Variants in PTPRE observed in about 807,000 individuals in gnomAD.
PTPRE encodes the protein receptor-type tyrosine-protein phosphatase epsilon.
In PTPRE, 51 loss-of-function variants were observed where a neutral mutation model predicts 102.0. That is an observed-to-expected ratio of 0.50 (90% CI 0.40 to 0.63). The LOEUF is 0.63. Among genes scored for constraint, PTPRE ranks in the 30% least tolerant of loss-of-function variants. PTPRE has a pLI of 0.00. For synonymous variants in PTPRE, 345 were observed against 348.2 expected, an observed-to-expected ratio of 0.99 and a Z score of 0.10; for missense variants, 752 against 915.1, an observed-to-expected ratio of 0.82 and a Z score of 2.30.
chr10:127,968,338 G>A lies in PTPRE; in HGVS notation c.-30-13936G>A, dbSNP rs183933051. ...GGGGAGGGGAAGGTGACTTTCACAA[G>A]TCCTCTTGTACAAGGGCCACCGTGT... On this transcript the variant is annotated intron_variant, in intron 1 of 20. Transcript: ENST00000254667. Among the ~76,000 whole-genome samples the A allele has an allele frequency of 2.5e-3, 385 of 152,300 alleles. 3 individuals are homozygous for A. The highest frequency in any genetic ancestry group is 8.0e-3 in the African/African-American group (333 of 41,560).
rs559123679 is a variant in PTPRE, at chr10:127,907,149, C to A, written c.-191C>A. 1.0e-3 allele frequency: 558 copies of A among 552,028 alleles called. 8 individuals carry two copies. The East Asian group carries it at 0.042, about 42-fold the overall frequency. 34.2% of individuals were successfully genotyped at this position (552,028 alleles called of 1,614,324 possible). A position where few individuals can be genotyped will look rare whatever the true frequency, so the allele number is the denominator to read the frequency against. On this transcript the variant is annotated 5_prime_UTR_variant, in exon 1 of 21. Coordinates refer to ENST00000254667, the MANE Select transcript of PTPRE (RefSeq NM_006504.6). The surrounding 1 kb of genome is among the most constrained non-coding windows in gnomAD (Gnocchi z 4.8). ...GCGGACAGCGGGCGGCAGGAGCCGG[C>A]GCGAGCGGCTTCAGGAACCCACGGC...
At chr10:128,002,191 A>C in intron 2 of PTPRE, among the ~76,000 whole-genome samples, 1 of 152,182 alleles carries the variant, frequency 6.6e-6, no homozygotes, top group Non-Finnish European at 1.5e-5. Context: ...GGAAGAGCAA[A>C]GCTGTCAGCA....
In PTPRE at chr10:127,932,474, C is replaced by T. The variant is rs143666104; in HGVS notation, c.-31+25165C>T. Among the ~76,000 whole-genome samples, 678 of 152,316 alleles carry T rather than the reference C, an allele frequency of 4.5e-3. 4 individuals carry two copies. Among genetic ancestry groups the T allele is most frequent in the African/African-American group, 0.015 (638 of 41,586 alleles). On this transcript the variant is annotated intron_variant, in intron 1 of 20. Coordinates refer to ENST00000254667, the MANE Select transcript of PTPRE (RefSeq NM_006504.6). ...GAAATGAAGACATACACAGGTGGAACGGTAAGAACAGTGGCGAAGAAGGGC... is the reference window on the plus strand; with the variant it reads ...GAAATGAAGACATACACAGGTGGAATGGTAAGAACAGTGGCGAAGAAGGGC...
intron 2 of PTPRE, among the ~76,000 whole-genome samples, chr10:128,025,675 G>A (rs1287226466): frequency 1.3e-5 from 2 of 152,102 alleles, no homozygotes; most frequent in Non-Finnish European, 2.9e-5. Context: ...AAACCCTGGG[G>A]CCTCCCTGCC....
At chr10:128,079,934 A>G (rs1394849374) in intron 20 of PTPRE, among the ~76,000 whole-genome samples, 1 of 152,194 alleles carries the variant, frequency 6.6e-6, no homozygotes, top group Admixed American at 6.5e-5. Context: ...GCCAGTTTCA[A>G]TGTCTGAGAC....
intron 1 of PTPRE, among the ~76,000 whole-genome samples, chr10:127,965,749 A>G (rs1166648281): frequency 1.3e-5 from 2 of 152,188 alleles, no homozygotes; most frequent in African/African-American, 4.8e-5. Context: ...TGAACCTCGT[A>G]TCTGCCCAGC....
At chr10:127,978,086 C>G (rs1851325616) in intron 1 of PTPRE, among the ~76,000 whole-genome samples, 1 of 152,184 alleles carries the variant, frequency 6.6e-6, no homozygotes, top group South Asian at 2.1e-4. Flanking sequence ...AATGGAGCAT[C>G]CTCTAGGACA....
intron 2 of PTPRE, among the ~76,000 whole-genome samples, chr10:127,992,251 C>T (rs900040702): frequency 6.6e-6 from 1 of 152,084 alleles, no homozygotes; most frequent in Non-Finnish European, 1.5e-5. Flanking sequence ...CTGTGAGGCT[C>T]AGGTACCGAA....
At chr10:128,050,677 G>T (rs1848502984) in intron 6 of PTPRE, among the ~76,000 whole-genome samples, 1 of 152,236 alleles carries the variant, frequency 6.6e-6, no homozygotes, top group Non-Finnish European at 1.5e-5. Flanking sequence ...GGCTATGCCT[G>T]TTGCGTGCTG....
intron 1 of PTPRE, among the ~76,000 whole-genome samples, chr10:127,927,139 TAGGTACACTGGAGAGTGACAATGGCAGGC>T (rs1225054196): frequency 1.3e-5 from 2 of 151,906 alleles, no homozygotes; most frequent in South Asian, 2.1e-4. Flanking sequence ...CAATGGCAGG[TAGGTACACTGGAGAGTGACAATGGCAGGC>T]AGGTACACTG....
intron 2 of PTPRE, among the ~76,000 whole-genome samples, chr10:128,009,288 T>G (rs1844776780): frequency 6.6e-6 from 1 of 152,252 alleles, no homozygotes; most frequent in Admixed American, 6.5e-5. Context: ...TTGGTTGCCT[T>G]TGAGCCAACA....
chr10:127,992,425 G>A (rs1852769377), intron 2 of PTPRE, among the ~76,000 whole-genome samples: 1 of 152,200 alleles, frequency 6.6e-6, no homozygotes, highest in Non-Finnish European at 1.5e-5. Context: ...GAAATTCATA[G>A]CACACTGAAA....
At chr10:128,017,822 C>T (rs2135666334) in intron 2 of PTPRE, among the ~76,000 whole-genome samples, 1 of 152,294 alleles carries the variant, frequency 6.6e-6, no homozygotes, top group South Asian at 2.1e-4. Context: ...AGGCTGGAGG[C>T]TGTGGTACAG....
At chr10:127,955,127 T>G (rs1849303152) in intron 1 of PTPRE, among the ~76,000 whole-genome samples, 1 of 152,090 alleles carries the variant, frequency 6.6e-6, no homozygotes. Context: ...CTAGGGTGCC[T>G]CTTAGTACTA....
At chr10:127,967,780 C>G (rs1589856573) in intron 1 of PTPRE, among the ~76,000 whole-genome samples, 1 of 152,172 alleles carries the variant, frequency 6.6e-6, no homozygotes, top group East Asian at 1.9e-4. Flanking sequence ...AGCCCAATCC[C>G]CTTATTGCTC....
chr10:127,986,457 T>C (rs1318273559), intron 2 of PTPRE, among the ~76,000 whole-genome samples: 1 of 152,366 alleles, frequency 6.6e-6, no homozygotes, highest in East Asian at 1.9e-4. Context: ...TAAAATTAAA[T>C]GATTCTGTAA....
chr10:128,014,604 C>A (rs944958297), intron 2 of PTPRE, among the ~76,000 whole-genome samples: 1 of 152,146 alleles, frequency 6.6e-6, no homozygotes, highest in Non-Finnish European at 1.5e-5. Context: ...ATTAAAAATT[C>A]TCCCACAACT....
intron 10 of PTPRE, among the ~76,000 whole-genome samples, chr10:128,064,596 C>T (rs527386791): frequency 6.6e-6 from 1 of 152,340 alleles, no homozygotes. Context: ...AGCATGAGAC[C>T]AGCACAGAAG....
chr10:128,063,297 GA>G (rs1014432412), intron 10 of PTPRE, 117 bp downstream of exon 10: 59 of 1,485,792 alleles, frequency 4.0e-5, no homozygotes, highest in African/African-American at 3.4e-4. Context: ...TATCACTGCA[GA>G]AAAAAACCCA....
Sources: gnomAD v4.1 joint callset for allele counts (sites outside exome capture counted in the v4.1 genomes callset) on GRCh38, gnomAD v4.1.1 for gene constraint, Gnocchi (gnomAD v3.1) non-coding constraint, MANE v1.5 for transcripts, NCBI Gene and HGNC (gene_info 2026-07-23, HGNC 2026-07-21) for gene names.